SYN3: variants seen among roughly 807,000 people sequenced by gnomAD.
SYN3 encodes synapsin III, also known as synapsin-3.
In SYN3, 35 loss-of-function variants were observed where a neutral mutation model predicts 65.8. That is an observed-to-expected ratio of 0.53 (90% CI 0.41 to 0.70). The LOEUF is 0.70. Among genes scored for constraint, SYN3 ranks in the 30% least tolerant of loss-of-function variants. The probability of loss-of-function intolerance (pLI) is 0.00; values close to 1 mark genes in which losing one functional copy is unlikely to be tolerated. For synonymous variants in SYN3, 270 were observed against 292.9 expected, an observed-to-expected ratio of 0.92 and a Z score of 0.80; for missense variants, 680 against 749.0, an observed-to-expected ratio of 0.91 and a Z score of 1.08.
chr22:32,870,320 C>A (rs533347188), intron 4 of SYN3, among the ~76,000 whole-genome samples: 1 of 130,106 alleles, frequency 7.7e-6, no homozygotes, highest in African/African-American at 3.5e-5. Context: ...TTGCTCCATA[C>A]TTTCTTTTGA....
intron 4 of SYN3, among the ~76,000 whole-genome samples, chr22:32,903,414 T>C (rs2049816071): frequency 6.6e-6 from 1 of 152,106 alleles, no homozygotes; most frequent in Non-Finnish European, 1.5e-5. Flanking sequence ...AACACCTACT[T>C]ATATATAGTA....
chr22:32,519,104 C>T (rs74506915), intron 12 of SYN3, among the ~76,000 whole-genome samples: 118 of 152,242 alleles, frequency 7.8e-4, no homozygotes, highest in African/African-American at 2.7e-3. Flanking sequence ...CTTGTACCTG[C>T]AGCCTCCAGA....
At chr22:32,834,216 G>A (rs554956824) in intron 6 of SYN3, among the ~76,000 whole-genome samples, 32 of 151,956 alleles carry the variant, frequency 2.1e-4, no homozygotes, top group South Asian at 1.5e-3. Context: ...GCAGTGGCAC[G>A]ATCTCGGCTC....
In SYN3 at chr22:32,777,772, CT is replaced by C. The variant is rs566900491; in HGVS notation, c.711+87142del. Among the ~76,000 whole-genome samples, 360 of 152,240 alleles carry C rather than the reference CT, an allele frequency of 2.4e-3. 2 individuals are homozygous for C. Among genetic ancestry groups the C allele is most frequent in the African/African-American group, 8.2e-3 (339 of 41,540 alleles). On this transcript the variant is annotated intron_variant, in intron 6 of 13. Transcript: ENST00000358763. Reference sequence around the variant, plus strand: ...TGTTATAGTTTACTCTTCATATTTACTTAGTATTTTCTTTGAATTAACTCTT... The same window carrying C: ...TGTTATAGTTTACTCTTCATATTTACTAGTATTTTCTTTGAATTAACTCTT...
At chr22:32,977,831 T>C (rs2052252066) in intron 3 of SYN3, among the ~76,000 whole-genome samples, 1 of 152,024 alleles carries the variant, frequency 6.6e-6, no homozygotes, top group South Asian at 2.1e-4. Flanking sequence ...TTATTCATCC[T>C]GCAAATATTT....
chr22:32,836,983 C>T (rs749381282), intron 6 of SYN3, among the ~76,000 whole-genome samples: 3 of 152,182 alleles, frequency 2.0e-5, no homozygotes, highest in Non-Finnish European at 2.9e-5. Context: ...GCTGCATCTG[C>T]GGGTCTGGCG....
chr22:32,838,581 T>C (rs2047802896), intron 6 of SYN3, among the ~76,000 whole-genome samples: 1 of 152,180 alleles, frequency 6.6e-6, no homozygotes, highest in African/African-American at 2.4e-5. Flanking sequence ...GGGGGTCTCC[T>C]GTAATAGGGT....
chr22:33,034,638 T>C (rs1341649364), intron 1 of SYN3, among the ~76,000 whole-genome samples: 1 of 152,148 alleles, frequency 6.6e-6, no homozygotes, highest in East Asian at 1.9e-4. Context: ...ACAACCATCA[T>C]GTGGCTGTTT....
At chr22:32,820,658 G>A (rs534398235) in intron 6 of SYN3, among the ~76,000 whole-genome samples, 5 of 152,222 alleles carry the variant, frequency 3.3e-5, no homozygotes, top group East Asian at 1.9e-4. Flanking sequence ...AAAACAAGTC[G>A]TGGCATCACC....
At chr22:33,030,364 G>C (rs993584542) in intron 1 of SYN3, among the ~76,000 whole-genome samples, 3 of 152,198 alleles carry the variant, frequency 2.0e-5, no homozygotes, top group Non-Finnish European at 2.9e-5. Flanking sequence ...GCACCGAAAT[G>C]AGGGGAAAAC....
At chr22:32,538,698 C>T (rs760642791) in intron 8 of SYN3, among the ~76,000 whole-genome samples, 1 of 143,092 alleles carries the variant, frequency 7.0e-6, no homozygotes, top group South Asian at 2.4e-4. Context: ...TCTTTGTCTC[C>T]ATCTTTGCCT....
chr22:32,819,832 C>T (rs1373817883), intron 6 of SYN3, among the ~76,000 whole-genome samples: 1 of 152,220 alleles, frequency 6.6e-6, no homozygotes, highest in Non-Finnish European at 1.5e-5. Context: ...CCATAACTTG[C>T]TACCTGTCCA....
chr22:32,508,663 G>A lies in SYN3; in HGVS notation c.*5029C>T, dbSNP rs9621473. Among the ~76,000 whole-genome samples, 31,801 of 152,086 alleles carry A rather than the reference G, an allele frequency of 0.21. 3,629 individuals carry two copies. Among genetic ancestry groups the A allele is most frequent in the African/African-American group, 0.28 (11,423 of 41,440 alleles). On this transcript the variant is annotated 3_prime_UTR_variant, in exon 14 of 14. Coordinates refer to ENST00000358763, the MANE Select transcript of SYN3 (RefSeq NM_003490.4). ...ACTGGGTTTTGGTTTGTTTGATTCTGTTCCTGGGCAAGTGACTTCCATATA... is the reference window on the plus strand; with the variant it reads ...ACTGGGTTTTGGTTTGTTTGATTCTATTCCTGGGCAAGTGACTTCCATATA...
chr22:32,948,507 C>T (rs993809953), intron 3 of SYN3, among the ~76,000 whole-genome samples: 9 of 152,136 alleles, frequency 5.9e-5, no homozygotes, highest in African/African-American at 2.2e-4. Flanking sequence ...GAGGCCGAGG[C>T]GGGCAGATCA....
intron 4 of SYN3, among the ~76,000 whole-genome samples, chr22:32,915,636 T>C (rs2050167536): frequency 6.6e-6 from 1 of 152,048 alleles, no homozygotes; most frequent in Non-Finnish European, 1.5e-5. Context: ...GGAGAGAATA[T>C]GCTTGACCTA....
chr22:32,810,429 G>C (rs898608332), intron 6 of SYN3, among the ~76,000 whole-genome samples: 2 of 151,952 alleles, frequency 1.3e-5, no homozygotes, highest in Admixed American at 1.3e-4. Flanking sequence ...GGCTTTTTGT[G>C]GGGGTGGGGA....
intron 4 of SYN3, among the ~76,000 whole-genome samples, chr22:32,880,847 G>A (rs566841236): frequency 1.3e-5 from 2 of 152,326 alleles, no homozygotes; most frequent in East Asian, 3.9e-4. Flanking sequence ...GAAGGACAGG[G>A]CCCATGTCTG....
At chr22:32,549,213 C>T (rs564646419) in intron 7 of SYN3, among the ~76,000 whole-genome samples, 6 of 151,156 alleles carry the variant, frequency 4.0e-5, no homozygotes, top group Admixed American at 1.3e-4. Flanking sequence ...ACTGCTATGG[C>T]GTGAAAAAAA....
intron 6 of SYN3, among the ~76,000 whole-genome samples, chr22:32,696,887 C>T: frequency 6.6e-6 from 1 of 152,200 alleles, no homozygotes; most frequent in Non-Finnish European, 1.5e-5. Context: ...TGATTTACCT[C>T]TCCCCAGAAT....
Sources: gnomAD v4.1 joint callset for allele counts (sites outside exome capture counted in the v4.1 genomes callset) on GRCh38, gnomAD v4.1.1 for gene constraint, MANE v1.5 for transcripts, NCBI Gene and HGNC (gene_info 2026-07-23, HGNC 2026-07-21) for gene names.